Variants in SLC4A1AP observed in about 807,000 individuals in gnomAD.
The protein encoded by SLC4A1AP is kanadaptin.
Under a neutral mutation model 89.7 loss-of-function variants are expected in SLC4A1AP, and 64 were observed. The ratio of observed to expected loss-of-function variants is 0.71; its 90% CI spans 0.58 to 0.88. SLC4A1AP has a LOEUF of 0.88. Ranked by LOEUF, SLC4A1AP falls within the 40% of genes least tolerant of loss-of-function variation. SLC4A1AP has a pLI of 0.00. For missense variants in SLC4A1AP, 931 were observed against 965.0 expected (o/e 0.96, Z 0.47); for synonymous variants, 366 against 353.3 (o/e 1.04, Z -0.40).
chr2:27,678,040 C>A, intron 8 of SLC4A1AP, 116 bp downstream of exon 8: 2 of 657,600 alleles, frequency 3.0e-6, no homozygotes, highest in Non-Finnish European at 4.7e-6. Flanking sequence ...ATGCAAGGAA[C>A]CCTTTAAAGC....
intron 5 of SLC4A1AP, among the ~76,000 whole-genome samples, chr2:27,672,793 T>G (rs917660772): frequency 6.6e-6 from 1 of 152,196 alleles, no homozygotes. Flanking sequence ...AACCCTTGAT[T>G]TAAGTATCCT....
intron 5 of SLC4A1AP, among the ~76,000 whole-genome samples, chr2:27,670,884 T>TA (rs939464322): frequency 8.9e-5 from 13 of 145,746 alleles, no homozygotes; most frequent in South Asian, 4.4e-4. Context: ...TAATTAAATT[T>TA]AAAAAAAAAC....
chr2:27,679,885 C>G (rs183802075), intron 8 of SLC4A1AP, among the ~76,000 whole-genome samples: 3 of 152,214 alleles, frequency 2.0e-5, no homozygotes, highest in Admixed American at 2.0e-4. Flanking sequence ...AGAGAGTGCT[C>G]TCAGGAGAAA....
In SLC4A1AP at chr2:27,677,821, C is replaced by T. The variant is rs1022576849; in HGVS notation, c.1660C>T (p.Arg554Trp). The stretch of plus-strand genomic sequence containing the variant: ...AGGCAGTACATTAGATGGTGTGTCC[C>T]GGAAGAAACTTCACCTGAGAACTTT... Residue 554 changes from arginine (R) to tryptophan (W), a missense_variant, in exon 8 of 14, where the codon CGG becomes TGG. By Grantham distance (101) the Arg-to-Trp change is moderately radical (BLOSUM62 -3). Transcript: ENST00000613058. 11 of 1,613,434 alleles carry T rather than the reference C, an allele frequency of 6.8e-6. No homozygotes were observed. The highest frequency in any genetic ancestry group is 4.5e-5 in the East Asian group (2 of 44,830).
chr2:27,674,617 G>A (rs1045392657), intron 5 of SLC4A1AP, among the ~76,000 whole-genome samples: 1 of 149,658 alleles, frequency 6.7e-6, no homozygotes, highest in African/African-American at 2.5e-5. Context: ...AATATTTATT[G>A]TATTTTTCTG....
chr2:27,685,173 A>G (rs754581071), exon 10 of SLC4A1AP: 1 of 1,614,086 alleles, frequency 6.2e-7, no homozygotes, highest in Non-Finnish European at 8.5e-7. Context: ...AAACTGGAGG[A>G]TGGAAGCCTC....
chr2:27,664,806 G>T (rs1030821094), intron 1 of SLC4A1AP, among the ~76,000 whole-genome samples: 1 of 152,024 alleles, frequency 6.6e-6, no homozygotes, highest in Non-Finnish European at 1.5e-5. Flanking sequence ...GGTGGCTCGC[G>T]CCTGTAATCC....
chr2:27,666,405 T>G (rs1265542651), intron 2 of SLC4A1AP, among the ~76,000 whole-genome samples: 4 of 107,434 alleles, frequency 3.7e-5, no homozygotes, highest in Non-Finnish European at 5.4e-5. Context: ...GTGTAGAGAT[T>G]ACAGGCGTGA....
At chr2:27,672,211 A>G (rs561504636) in intron 5 of SLC4A1AP, among the ~76,000 whole-genome samples, 239 of 152,236 alleles carry the variant, frequency 1.6e-3, no homozygotes, top group African/African-American at 5.5e-3. Flanking sequence ...GTTTTCTGCA[A>G]TTATGTCATT....
chr2:27,670,752 T>G, intron 5 of SLC4A1AP, among the ~76,000 whole-genome samples: 1 of 151,434 alleles, frequency 6.6e-6, no homozygotes, highest in East Asian at 2.0e-4. Flanking sequence ...TCCCGGCCAC[T>G]TGGGAGGCTG....
chr2:27,687,970 A>G (rs1675730527), exon 11 of SLC4A1AP: 1 of 1,613,982 alleles, frequency 6.2e-7, no homozygotes, highest in Non-Finnish European at 8.5e-7. Context: ...GAACAGAATA[A>G]AGATTATCAA....
At chr2:27,678,393 C>T (rs1675558795) in intron 8 of SLC4A1AP, among the ~76,000 whole-genome samples, 1 of 151,986 alleles carries the variant, frequency 6.6e-6, no homozygotes, top group South Asian at 2.1e-4. Flanking sequence ...ATCAGCCAGC[C>T]ATGTTGGAGC....
intron 2 of SLC4A1AP, 22 bp downstream of exon 2, chr2:27,665,317 C>A (rs758763288): frequency 3.2e-6 from 5 of 1,560,836 alleles, no homozygotes; most frequent in African/African-American, 2.8e-5. Context: ...AAATTGCTGC[C>A]GGAGGTTAAT....
intron 13 of SLC4A1AP, among the ~76,000 whole-genome samples, 156 bp from the exon 14 acceptor site, chr2:27,694,478 G>A (rs968184883): frequency 5.9e-5 from 9 of 152,232 alleles, no homozygotes; most frequent in Middle Eastern, 3.4e-3. Flanking sequence ...ATGAAAGAGG[G>A]CTGTATTTTG....
At chr2:27,682,296 A>T in exon 9 of SLC4A1AP, 1 of 1,613,988 alleles carries the variant, frequency 6.2e-7, no homozygotes, top group Non-Finnish European at 8.5e-7. Context: ...AAAAGCTTAC[A>T]TTGCCTCTAT....
chr2:27,664,546 T>G, exon 1 of SLC4A1AP: 1 of 1,613,016 alleles, frequency 6.2e-7, no homozygotes, highest in South Asian at 1.1e-5. Flanking sequence ...GTTGTTCGCT[T>G]TGGAGGCAGC....
intron 6 of SLC4A1AP, among the ~76,000 whole-genome samples, 169 bp downstream of exon 6, chr2:27,675,861 C>G (rs1193884083): frequency 2.0e-5 from 3 of 152,056 alleles, no homozygotes; most frequent in Non-Finnish European, 4.4e-5. Flanking sequence ...GACAACTAGT[C>G]TTATCCAAGT....
intron 8 of SLC4A1AP, among the ~76,000 whole-genome samples, chr2:27,680,265 G>A (rs1675597835): frequency 6.6e-6 from 1 of 151,842 alleles, no homozygotes; most frequent in Non-Finnish European, 1.5e-5. Context: ...ACAGCAATGG[G>A]AGGGAGACTT....
intron 3 of SLC4A1AP, among the ~76,000 whole-genome samples, chr2:27,668,454 C>T (rs1675369544): frequency 6.6e-6 from 1 of 152,032 alleles, no homozygotes; most frequent in Non-Finnish European, 1.5e-5. Flanking sequence ...CCAGCCAGAA[C>T]TTGTTCTTTT....
Sources: gnomAD v4.1 joint callset for allele counts (sites outside exome capture counted in the v4.1 genomes callset) on GRCh38, gnomAD v4.1.1 for gene constraint, MANE v1.5 for transcripts, NCBI Gene and HGNC (gene_info 2026-07-23, HGNC 2026-07-21) for gene names.